Variants in NFIB observed in about 807,000 individuals in gnomAD.
NFIB encodes the protein nuclear factor 1 B-type.
Under a neutral mutation model 61.5 loss-of-function variants are expected in NFIB, and 11 were observed. The ratio of observed to expected loss-of-function variants is 0.18; its 90% CI spans 0.11 to 0.30. The LOEUF (loss-of-function observed/expected upper bound fraction) is 0.30. Among genes scored for constraint, NFIB ranks in the 10% least tolerant of loss-of-function variants. The pLI is 1.00. For missense variants in NFIB, 471 were observed against 608.9 expected (o/e 0.77, Z 2.38); for synonymous variants, 260 against 216.5 (o/e 1.20, Z -1.76).
the NFIB span, among the ~76,000 whole-genome samples, chr9:14,455,765 C>A: frequency 6.6e-6 from 1 of 151,992 alleles, no homozygotes; most frequent in Non-Finnish European, 1.5e-5. Flanking sequence ...GATTATCATT[C>A]GTTTTTAGGG....
At chr9:14,090,443 C>A (rs1254841068) in intron 10 of NFIB, among the ~76,000 whole-genome samples, 2 of 152,080 alleles carry the variant, frequency 1.3e-5, no homozygotes, top group Non-Finnish European at 2.9e-5. Flanking sequence ...TGTGTTTCCA[C>A]TGCACTTTGT....
chr9:14,383,289 G>A (rs1229307006), intron 1 of NFIB, among the ~76,000 whole-genome samples: 1 of 152,034 alleles, frequency 6.6e-6, no homozygotes, highest in Non-Finnish European at 1.5e-5. Context: ...CTTGTTTGAG[G>A]GCCCAGATAC....
At chr9:14,401,199 C>T (rs1053063456), upstream of NFIB, among the ~76,000 whole-genome samples, 4 of 152,180 alleles carry the variant, frequency 2.6e-5, no homozygotes, top group Non-Finnish European at 2.9e-5. Flanking sequence ...CCATTGACAA[C>T]CTCAATAGCT....
chr9:14,306,400 G>A (rs1390055069), intron 2 of NFIB, among the ~76,000 whole-genome samples: 1 of 152,084 alleles, frequency 6.6e-6, no homozygotes, highest in Non-Finnish European at 1.5e-5. Flanking sequence ...AATCAAAAGT[G>A]ATGATAGAAA....
the NFIB span, among the ~76,000 whole-genome samples, chr9:14,460,463 C>T: frequency 6.6e-6 from 1 of 151,964 alleles, no homozygotes; most frequent in East Asian, 1.9e-4. Flanking sequence ...CACATGTATA[C>T]ACACGTAACA....
chr9:14,114,468 G>T (rs1248552552), intron 9 of NFIB, among the ~76,000 whole-genome samples: 1 of 152,140 alleles, frequency 6.6e-6, no homozygotes, highest in East Asian at 1.9e-4. Context: ...TTTATTACTG[G>T]TGGTGCCTAA....
intron 2 of NFIB, among the ~76,000 whole-genome samples, chr9:14,204,082 T>C (rs572510409): frequency 3.3e-5 from 5 of 152,296 alleles, no homozygotes; most frequent in African/African-American, 1.2e-4. Flanking sequence ...GTATGAAAAA[T>C]GAAAACCAAA....
chr9:14,204,589 G>C, intron 2 of NFIB: 1 of 1,144,410 alleles, frequency 8.7e-7, no homozygotes, highest in Non-Finnish European at 1.3e-6. Context: ...AGCAGAGGCT[G>C]TTGGCCCGGG....
intron 2 of NFIB, among the ~76,000 whole-genome samples, chr9:14,286,354 C>T (rs532218804): frequency 2.1e-4 from 32 of 152,276 alleles, no homozygotes; most frequent in African/African-American, 7.2e-4. Context: ...CATCCTGACA[C>T]ATTTCCAACC....
intron 1 of NFIB, among the ~76,000 whole-genome samples, chr9:14,372,991 G>C (rs751516791): frequency 3.3e-5 from 5 of 152,074 alleles, no homozygotes; most frequent in Non-Finnish European, 5.9e-5. Context: ...CGGTGGTGGG[G>C]GGTGGGGACT....
intron 2 of NFIB, among the ~76,000 whole-genome samples, chr9:14,242,295 A>G (rs1587868804): frequency 6.6e-6 from 1 of 152,342 alleles, no homozygotes; most frequent in East Asian, 1.9e-4. Flanking sequence ...TCCACTCTCT[A>G]GAAGTTTGAA....
chr9:14,352,190 T>C (rs16931610), intron 1 of NFIB, among the ~76,000 whole-genome samples: 2,503 of 152,198 alleles, frequency 0.016, 58 homozygotes, highest in African/African-American at 0.058. Flanking sequence ...CTTCAAATAA[T>C]AGAAAACAGC....
chr9:14,366,288 T>C (rs967305122), intron 1 of NFIB, among the ~76,000 whole-genome samples: 1 of 152,138 alleles, frequency 6.6e-6, no homozygotes, highest in African/African-American at 2.4e-5. Context: ...ACCTCGCGTC[T>C]GTGAAAAATT....
upstream of NFIB, among the ~76,000 whole-genome samples, chr9:14,400,491 G>A (rs2061732334): frequency 1.3e-5 from 2 of 152,084 alleles, no homozygotes. Flanking sequence ...GTAAGAAGCT[G>A]TAAAAACATA....
intron 4 of NFIB, among the ~76,000 whole-genome samples, chr9:14,150,846 A>C (rs1350643938): frequency 6.6e-6 from 1 of 152,132 alleles, no homozygotes; most frequent in Non-Finnish European, 1.5e-5. Flanking sequence ...TTGTAACACA[A>C]AGGATAAATG....
chr9:14,439,411 T>G, the NFIB span, among the ~76,000 whole-genome samples: 1 of 152,210 alleles, frequency 6.6e-6, no homozygotes, highest in Non-Finnish European at 1.5e-5. Flanking sequence ...AATGATTTAA[T>G]CTTTCTGTGT....
intron 1 of NFIB, among the ~76,000 whole-genome samples, chr9:14,347,963 C>G (rs1355406652): frequency 6.6e-6 from 1 of 152,182 alleles, no homozygotes; most frequent in Non-Finnish European, 1.5e-5. Context: ...CTCCGCGCAC[C>G]ACGTGCGCTC....
chr9:14,506,201 C>A, the NFIB span, among the ~76,000 whole-genome samples: 1 of 152,090 alleles, frequency 6.6e-6, no homozygotes, highest in African/African-American at 2.4e-5. Flanking sequence ...TGTTTTATTA[C>A]AATTGACATA....
At chr9:14,216,820 T>C (rs940148401) in intron 2 of NFIB, among the ~76,000 whole-genome samples, 2 of 152,204 alleles carry the variant, frequency 1.3e-5, no homozygotes, top group African/African-American at 2.4e-5. Flanking sequence ...AAAATAAGCA[T>C]ACTTTTCTGA....
Sources: allele counts gnomAD v4.1 joint callset (sites outside exome capture counted in the v4.1 genomes callset), GRCh38; gene constraint gnomAD v4.1.1; transcripts MANE v1.5; gene names NCBI Gene and HGNC (gene_info 2026-07-23, HGNC 2026-07-21).